The following PRMT3 variants were observed in gnomAD, a reference collection of about 807,000 sequenced individuals.
PRMT3 encodes the protein protein arginine N-methyltransferase 3.
Under a neutral mutation model 71.9 loss-of-function variants are expected in PRMT3, and 62 were observed. The observed-to-expected ratio is 0.86, with a 90% CI of 0.70 to 1.07. The LOEUF (loss-of-function observed/expected upper bound fraction) is 1.07. Ranked by LOEUF, PRMT3 falls within the 50% of genes least tolerant of loss-of-function variation. The pLI, the probability that PRMT3 is intolerant of heterozygous loss-of-function variation, is 0.00. For synonymous variants in PRMT3, 213 were observed against 220.4 expected (o/e 0.97, Z 0.30); for missense variants, 663 against 643.0 (o/e 1.03, Z -0.34).
At chr11:20,481,523 A>G (rs780407351) in intron 13 of PRMT3, among the ~76,000 whole-genome samples, 4 of 152,114 alleles carry the variant, frequency 2.6e-5, no homozygotes, top group African/African-American at 7.2e-5. Context: ...GGTGATTTGT[A>G]CCATTGCTTA....
chr11:20,420,579 C>A (rs549011353), intron 9 of PRMT3, among the ~76,000 whole-genome samples: 1 of 152,224 alleles, frequency 6.6e-6, no homozygotes, highest in Admixed American at 6.5e-5. Flanking sequence ...TGCGAGGGAT[C>A]TAGGTCGTGC....
chr11:20,412,365 T>C (rs1414237946), intron 9 of PRMT3, among the ~76,000 whole-genome samples: 1 of 150,422 alleles, frequency 6.6e-6, no homozygotes, highest in Non-Finnish European at 1.5e-5. Flanking sequence ...AAAAATCTGT[T>C]CACAAAACTG....
intron 15 of PRMT3, among the ~76,000 whole-genome samples, chr11:20,506,698 C>T (rs1851599304): frequency 1.3e-5 from 2 of 151,864 alleles, no homozygotes; most frequent in South Asian, 4.2e-4. Context: ...TGTAGATTTC[C>T]TTGGTCATTA....
At chr11:20,504,508 T>A (rs1590117878) in intron 15 of PRMT3, among the ~76,000 whole-genome samples, 1 of 152,202 alleles carries the variant, frequency 6.6e-6, no homozygotes, top group Non-Finnish European at 1.5e-5. Flanking sequence ...TAAGAAAGCC[T>A]GTTAGGATTT....
At chr11:20,478,096 TA>T (rs1419177909) in intron 13 of PRMT3, among the ~76,000 whole-genome samples, 3 of 152,226 alleles carry the variant, frequency 2.0e-5, no homozygotes. Flanking sequence ...AGGAAGAATT[TA>T]TTCCCCTCTG....
intron 5 of PRMT3, among the ~76,000 whole-genome samples, chr11:20,394,548 T>G (rs72940872): frequency 2.4e-4 from 37 of 152,306 alleles, no homozygotes; most frequent in Non-Finnish European, 4.7e-4. Flanking sequence ...TGTGAAATGA[T>G]TACCATAACC....
rs146434111 is a variant in PRMT3 at position 20,390,518 on chromosome 11, T to C, written c.247+692T>C. On this transcript the variant is annotated intron_variant, in intron 3 of 15. Coordinates refer to ENST00000331079, the MANE Select transcript of PRMT3 (RefSeq NM_005788.4). ...ACATGAACTTCACAGCCTACGAGAC[T>C]GAGTTTTATACAAAGTTCGGTAGAG... Among the ~76,000 whole-genome samples, 1,312 of 152,358 alleles carry C rather than the reference T, an allele frequency of 8.6e-3. 18 individuals are homozygous for C. The highest frequency in any genetic ancestry group is 0.03 in the African/African-American group (1,236 of 41,580).
At chr11:20,390,636 A>AT (rs1848692688) in intron 3 of PRMT3, among the ~76,000 whole-genome samples, 1 of 152,260 alleles carries the variant, frequency 6.6e-6, no homozygotes, top group South Asian at 2.1e-4. Flanking sequence ...TTGCCTTACA[A>AT]TTAAGGCCTT....
Position 20,477,811 on chromosome 11 carries a change from C to T in PRMT3, c.1347+13265C>T, listed in dbSNP as rs988498136. On this transcript the variant is annotated intron_variant, in intron 13 of 15. Transcript: ENST00000331079. ...TTTTGGCTTAGGAGAAACCCCCCCC[C>T]CCCACTTCCTGTTTTGCAGCACAAC... 2.1e-5 allele frequency among the ~76,000 whole-genome samples: 3 copies of T among 144,314 alleles called. 1 individual carries two copies. The highest frequency in any genetic ancestry group is 4.6e-4 in the East Asian group (2 of 4,346). The allele number at this position is 144,314 out of a possible 152,430, so 94.7% of individuals were successfully genotyped here.
At chr11:20,409,654 A>AACAC (rs60686099) in intron 9 of PRMT3, among the ~76,000 whole-genome samples, 25,062 of 144,134 alleles carry the variant, frequency 0.17, 2,336 homozygotes, top group Non-Finnish European at 0.21. Context: ...GGAATACACA[A>AACAC]ACACACACAC....
chr11:20,461,254 A>G (rs1850376832), intron 11 of PRMT3, among the ~76,000 whole-genome samples: 1 of 151,954 alleles, frequency 6.6e-6, no homozygotes, highest in African/African-American at 2.4e-5. Context: ...CTCCCAACTT[A>G]CTGGGCTTCA....
At position 20,463,572 on chromosome 11, in the gene PRMT3, CT is replaced by C. The variant is rs1850436713; in HGVS notation, c.1261-887del. 1.8e-4 allele frequency among the ~76,000 whole-genome samples: 4 copies of C among 22,630 alleles called. No homozygotes were observed. The South Asian group carries it at 0.01, about 57-fold the overall frequency. 14.8% of individuals were successfully genotyped at this position (22,630 alleles called of 152,430 possible). A position where few individuals can be genotyped will look rare whatever the true frequency, so the allele number is the denominator to read the frequency against. ...AATAAGGTGTTAAAAAGTGTATGTA[CT>C]CTTTTTTTTTTTTTAACATTTATTT... On this transcript the variant is annotated intron_variant, in intron 12 of 15. Transcript: ENST00000331079.
chr11:20,458,868 C>A (rs1173954647), intron 11 of PRMT3, among the ~76,000 whole-genome samples: 12 of 152,110 alleles, frequency 7.9e-5, no homozygotes, highest in Admixed American at 7.2e-4. Context: ...TAATTACCAA[C>A]AATTTCAAAA....
At chr11:20,433,100 A>G (rs932713059) in intron 10 of PRMT3, among the ~76,000 whole-genome samples, 1 of 151,466 alleles carries the variant, frequency 6.6e-6, no homozygotes, top group Non-Finnish European at 1.5e-5. Context: ...TTTGTTATTT[A>G]GGTAATAACT....
At chr11:20,457,762 TG>T (rs1363138911) in intron 11 of PRMT3, among the ~76,000 whole-genome samples, 1 of 152,242 alleles carries the variant, frequency 6.6e-6, no homozygotes, top group African/African-American at 2.4e-5. Context: ...AATCAGCCAC[TG>T]GCATTGGTTC....
In PRMT3 at chr11:20,464,623, G is replaced by A. The variant is rs1026499951; in HGVS notation, c.1347+77G>A. 7 of 1,565,932 alleles carry A rather than the reference G, an allele frequency of 4.5e-6. No homozygotes were observed. The East Asian group carries it at 1.4e-4, about 31-fold the overall frequency. On this transcript the variant is annotated intron_variant, in intron 13 of 15. Transcript: ENST00000331079. Reference sequence around the variant, plus strand: ...GGCAGGCTAATGAGTTTAATTACCAGGCTTGTGACAAATGAAAATGACTAT... The same window carrying A: ...GGCAGGCTAATGAGTTTAATTACCAAGCTTGTGACAAATGAAAATGACTAT...
chr11:20,473,370 G>A (rs1850699467), intron 13 of PRMT3, among the ~76,000 whole-genome samples: 1 of 152,032 alleles, frequency 6.6e-6, no homozygotes, highest in East Asian at 1.9e-4. Context: ...TACATTTAGT[G>A]CTATATATTT....
intron 14 of PRMT3, 25 bp downstream of exon 14, chr11:20,493,994 A>G (rs746880197): frequency 6.6e-7 from 1 of 1,525,614 alleles, no homozygotes; most frequent in East Asian, 2.3e-5. Flanking sequence ...TTATCTCATA[A>G]GAATTAATTA....
Position 20,395,892 on chromosome 11 carries a change from C to T in PRMT3, c.490C>T (p.His164Tyr), listed in dbSNP as rs776980714. ...ENTSVVEKLK[H>Y]MEARALSAEA... ...TACATCTGTTGTTGAAAAATTGAAA[C>T]ATATGGAAGCCAGGGCACTGTCTGC... Residue 164 changes from histidine (H) to tyrosine (Y), a missense_variant, in exon 6 of 16, where the codon CAT (histidine) becomes TAT (tyrosine). Coordinates refer to ENST00000331079, the MANE Select transcript of PRMT3 (RefSeq NM_005788.4). 4 of 1,614,074 alleles carry T rather than the reference C, an allele frequency of 2.5e-6. No individual in the cohort carries two copies. Among genetic ancestry groups the T allele is most frequent in the East Asian group, 2.2e-5 (1 of 44,876 alleles).
Sources: allele counts gnomAD v4.1 joint callset (sites outside exome capture counted in the v4.1 genomes callset), GRCh38; gene constraint gnomAD v4.1.1; transcripts MANE v1.5; gene names NCBI Gene and HGNC (gene_info 2026-07-23, HGNC 2026-07-21).